The following TENM3 variants were observed in gnomAD, a reference collection of about 807,000 sequenced individuals.
The protein encoded by TENM3 is teneurin-3.
TENM3 carries 63 observed loss-of-function variants against 255.1 expected under a neutral mutation model. The ratio of observed to expected loss-of-function variants is 0.25; its 90% CI spans 0.20 to 0.30. TENM3 has a LOEUF of 0.30. Ranked by LOEUF, TENM3 falls within the 10% of genes least tolerant of loss-of-function variation. The pLI is 1.00. For synonymous variants in TENM3, 1,306 were observed against 1,322.3 expected (o/e 0.99, Z 0.27); for missense variants, 2,929 against 3,461.1 (o/e 0.85, Z 3.86).
At chr4:181,903,418 C>T in the TENM3 span, among the ~76,000 whole-genome samples, 9,665 of 152,186 alleles carry the variant, frequency 0.064, 414 homozygotes, top group East Asian at 0.24. Context: ...ACCAGTTCAA[C>T]AGCTGATGCC....
chr4:181,637,723 G>A, the TENM3 span, among the ~76,000 whole-genome samples: 72 of 152,292 alleles, frequency 4.7e-4, no homozygotes, highest in Non-Finnish European at 8.4e-4. Flanking sequence ...TCTGTAGCAA[G>A]CACTTACCAA....
the TENM3 span, among the ~76,000 whole-genome samples, chr4:181,753,195 C>T: frequency 1.3e-5 from 2 of 152,314 alleles, no homozygotes; most frequent in African/African-American, 2.4e-5. Flanking sequence ...AGATCTGCAC[C>T]TGGTATTCAG....
At chr4:182,730,425 C>A in intron 15 of TENM3, 106 bp downstream of exon 15, 1 of 1,320,350 alleles carries the variant, frequency 7.6e-7, no homozygotes, top group Non-Finnish European at 1.0e-6. Context: ...GGAAATGCAG[C>A]AACTTTTTAG....
chr4:181,566,767 A>G, the TENM3 span, among the ~76,000 whole-genome samples: 1 of 152,104 alleles, frequency 6.6e-6, no homozygotes, highest in Non-Finnish European at 1.5e-5. Flanking sequence ...CCTCCTTTTG[A>G]TTAAGTGACT....
the TENM3 span, among the ~76,000 whole-genome samples, chr4:181,710,609 G>A: frequency 6.6e-6 from 1 of 152,012 alleles, no homozygotes; most frequent in Non-Finnish European, 1.5e-5. Context: ...CAGCTACTCG[G>A]GAGGCCAGAG....
the TENM3 span, among the ~76,000 whole-genome samples, chr4:181,674,004 T>C: frequency 2.0e-5 from 3 of 152,200 alleles, no homozygotes; most frequent in South Asian, 4.1e-4. Flanking sequence ...TCTTTATTTA[T>C]TGGGGAAAGG....
intron 13 of TENM3, among the ~76,000 whole-genome samples, chr4:182,725,811 T>C (rs1360690721): frequency 6.6e-6 from 1 of 151,918 alleles, no homozygotes; most frequent in Non-Finnish European, 1.5e-5. Context: ...AATTTTTTTG[T>C]ATTTTTAGTA....
the TENM3 span, among the ~76,000 whole-genome samples, chr4:181,605,562 G>GAAAGAAAAGA: frequency 1.5e-4 from 4 of 27,268 alleles, no homozygotes; most frequent in African/African-American, 3.3e-4. Context: ...AAGAAAGAAA[G>GAAAGAAAAGA]AAAGAAAGAG....
At chr4:181,460,528 C>A in the TENM3 span, among the ~76,000 whole-genome samples, 2,158 of 151,932 alleles carry the variant, frequency 0.014, 25 homozygotes, top group Non-Finnish European at 0.023. Context: ...ATTATTGATA[C>A]AACTGGGTGA....
chr4:181,817,865 G>T, the TENM3 span, among the ~76,000 whole-genome samples: 4,559 of 152,272 alleles, frequency 0.03, 115 homozygotes, highest in South Asian at 0.08. Context: ...TACTCAGTCT[G>T]CTGTATCCTG....
chr4:182,468,823 C>CG (rs1732833601), intron 3 of TENM3, among the ~76,000 whole-genome samples: 3 of 62,508 alleles, frequency 4.8e-5, no homozygotes, highest in African/African-American at 5.4e-5. Flanking sequence ...ATCCTGTGTG[C>CG]TTGTGTGTGT....
chr4:181,453,610 T>A, the TENM3 span, among the ~76,000 whole-genome samples: 1 of 151,692 alleles, frequency 6.6e-6, no homozygotes, highest in East Asian at 1.9e-4. Context: ...ACTCAAAGCG[T>A]AGTTCCCCCT....
chr4:182,451,392 A>G (rs1361328423), intron 3 of TENM3, among the ~76,000 whole-genome samples: 1 of 152,148 alleles, frequency 6.6e-6, no homozygotes, highest in African/African-American at 2.4e-5. Flanking sequence ...CATTTAAACT[A>G]AAGCTTTTTG....
intron 3 of TENM3, among the ~76,000 whole-genome samples, chr4:182,406,086 A>C (rs562419937): frequency 4.6e-5 from 7 of 152,116 alleles, no homozygotes; most frequent in Non-Finnish European, 5.9e-5. Context: ...TGGGTGGATC[A>C]CCTGCAGTCA....
the TENM3 span, among the ~76,000 whole-genome samples, chr4:181,895,261 G>T: frequency 4.6e-5 from 7 of 151,896 alleles, no homozygotes; most frequent in East Asian, 9.7e-4. Context: ...TTATCTTTTA[G>T]TGAGGGCCTA....
chr4:181,641,532 C>G, the TENM3 span, among the ~76,000 whole-genome samples: 1 of 88,642 alleles, frequency 1.1e-5, no homozygotes, highest in African/African-American at 4.9e-5. Context: ...TTTGTGGCTG[C>G]ATAGTATTCC....
chr4:181,655,196 G>A, the TENM3 span, among the ~76,000 whole-genome samples: 108 of 152,286 alleles, frequency 7.1e-4, no homozygotes, highest in East Asian at 0.015. Context: ...TTTAGGAGTC[G>A]TTTCAGAGGG....
the TENM3 span, among the ~76,000 whole-genome samples, chr4:181,997,996 A>G: frequency 6.6e-6 from 1 of 152,348 alleles, no homozygotes; most frequent in East Asian, 1.9e-4. Context: ...CTAGATTCTT[A>G]TAGTTAAAGG....
intron 12 of TENM3, among the ~76,000 whole-genome samples, chr4:182,703,089 T>C (rs1049070342): frequency 6.6e-6 from 1 of 152,238 alleles, no homozygotes; most frequent in African/African-American, 2.4e-5. Context: ...GAATTATTTT[T>C]CAATTGTTCT....
Sources: gnomAD v4.1 joint callset for allele counts (sites outside exome capture counted in the v4.1 genomes callset) on GRCh38, gnomAD v4.1.1 for gene constraint, MANE v1.5 for transcripts, NCBI Gene and HGNC (gene_info 2026-07-23, HGNC 2026-07-21) for gene names.